The following CFAP20DC variants were observed in gnomAD, a reference collection of about 807,000 sequenced individuals.
The protein encoded by CFAP20DC is protein CFAP20DC.
Under a neutral mutation model 101.7 loss-of-function variants are expected in CFAP20DC, and 84 were observed. That is an observed-to-expected ratio of 0.83 (90% CI 0.69 to 0.99). The LOEUF (loss-of-function observed/expected upper bound fraction) is 0.99. Ranked by LOEUF, CFAP20DC falls within the 50% of genes least tolerant of loss-of-function variation. The probability of loss-of-function intolerance (pLI) is 0.00; values close to 1 mark genes in which losing one functional copy is unlikely to be tolerated. For missense variants in CFAP20DC, 1,007 were observed against 970.3 expected (o/e 1.04, Z -0.50); for synonymous variants, 359 against 351.2 (o/e 1.02, Z -0.25).
chr3:58,733,469 G>A (rs1166018873), intron 3 of CFAP20DC, among the ~76,000 whole-genome samples: 2 of 152,072 alleles, frequency 1.3e-5, no homozygotes, highest in African/African-American at 4.8e-5. Flanking sequence ...TAAAGATGAG[G>A]TGATTTGGAA....
intron 14 of CFAP20DC, among the ~76,000 whole-genome samples, chr3:58,816,025 A>G (rs1472721490): frequency 6.6e-6 from 1 of 151,870 alleles, no homozygotes; most frequent in Non-Finnish European, 1.5e-5. Flanking sequence ...TACCCAAAGG[A>G]CTATAAATCA....
At chr3:58,802,763 T>C (rs1311974938) in intron 15 of CFAP20DC, among the ~76,000 whole-genome samples, 1 of 152,234 alleles carries the variant, frequency 6.6e-6, no homozygotes, top group African/African-American at 2.4e-5. Flanking sequence ...TATGAATATA[T>C]GCAGCACTTT....
chr3:58,761,279 G>A lies in CFAP20DC; in HGVS notation c.2238-7416C>T, dbSNP rs528121898. On this transcript the variant is annotated intron_variant, in intron 15 of 16. Transcript: ENST00000482387. ...TTAGTCTTGGGAGGGTGTATGTGTC[G>A]AGGAATTTATCCATTTCTTCTAGAT... 8.6e-3 allele frequency among the ~76,000 whole-genome samples: 1,301 copies of A among 152,160 alleles called. 20 individuals are homozygous for A. The highest frequency in any genetic ancestry group is 0.03 in the African/African-American group (1,244 of 41,540).
chr3:58,854,586 TA>T (rs1342057003), intron 12 of CFAP20DC, among the ~76,000 whole-genome samples: 1 of 152,126 alleles, frequency 6.6e-6, no homozygotes, highest in African/African-American at 2.4e-5. Flanking sequence ...GTTCAAACTA[TA>T]CTACAAGGCT....
chr3:58,884,432 T>TA (rs2081453083), intron 7 of CFAP20DC, 113 bp downstream of exon 7: 1 of 955,340 alleles, frequency 1.0e-6, no homozygotes, highest in Admixed American at 2.2e-5. Context: ...TATACTCTGT[T>TA]AAGTGCGAAG....
rs140153848 is a variant in CFAP20DC, at chr3:59,048,634, C to T, written c.21+977G>A. 5.0e-4 allele frequency among the ~76,000 whole-genome samples: 76 copies of T among 152,088 alleles called. 1 individual carries two copies. The highest frequency in any genetic ancestry group is 1.8e-3 in the African/African-American group (75 of 41,478). ...AGTGTTCTAGCCCAATTAGTGATAA[C>T]GAATGGGACAGAAGAAAGAGAACTG... On this transcript the variant is annotated intron_variant, in intron 1 of 16. Transcript: ENST00000482387.
chr3:58,733,466 G>A (rs76937659), intron 3 of CFAP20DC, among the ~76,000 whole-genome samples: 8,430 of 152,168 alleles, frequency 0.055, 516 homozygotes, highest in East Asian at 0.35. Context: ...AGATAAAGAT[G>A]AGGTGATTTG....
rs1418192293 is a variant in CFAP20DC, at chr3:58,899,112, C to T, written c.551-14403G>A. On this transcript the variant is annotated intron_variant, in intron 6 of 16. Coordinates refer to ENST00000482387, the MANE Select transcript of CFAP20DC (RefSeq NM_001394063.1). The surrounding 1 kb of genome is among the most constrained non-coding windows in gnomAD (Gnocchi z 5.0). ...TGACCTGTTGCCAGCCTGAACTGCA[C>T]CTGTAGGAGGAGGCTGGAGACCCCT... Among the ~76,000 whole-genome samples, 5 of 152,168 alleles carry T rather than the reference C, an allele frequency of 3.3e-5. 1 individual carries two copies. Among genetic ancestry groups the T allele is most frequent in the Non-Finnish European group, 4.4e-5 (3 of 68,030 alleles).
chr3:58,881,543 C>G (rs1032835304), intron 7 of CFAP20DC, among the ~76,000 whole-genome samples: 2 of 152,114 alleles, frequency 1.3e-5, no homozygotes, highest in Admixed American at 6.5e-5. Context: ...AGCTCTTGAT[C>G]AAGTTATATG....
At chr3:58,944,903 A>G (rs1443642061) in intron 4 of CFAP20DC, among the ~76,000 whole-genome samples, 1 of 152,218 alleles carries the variant, frequency 6.6e-6, no homozygotes, top group African/African-American at 2.4e-5. Flanking sequence ...AAGAAAAAAA[A>G]TCTATCAAGT....
chr3:59,048,704 T>A (rs2109339610), intron 1 of CFAP20DC, among the ~76,000 whole-genome samples: 2 of 151,804 alleles, frequency 1.3e-5, no homozygotes, highest in East Asian at 3.9e-4. Context: ...TAGTGTTAGG[T>A]GAATGAAAAG....
intron 4 of CFAP20DC, among the ~76,000 whole-genome samples, chr3:58,972,970 C>G (rs2092037352): frequency 6.6e-6 from 1 of 152,092 alleles, no homozygotes; most frequent in South Asian, 2.1e-4. Context: ...TTTTCCTTTT[C>G]TCTAAAACTG....
chr3:59,016,392 G>T (rs1329745749), intron 4 of CFAP20DC, among the ~76,000 whole-genome samples: 1 of 152,090 alleles, frequency 6.6e-6, no homozygotes. Context: ...AGGATGGGAA[G>T]GGTATGGGGA....
At chr3:58,807,887 A>G (rs1190636488) in intron 14 of CFAP20DC, among the ~76,000 whole-genome samples, 1 of 152,246 alleles carries the variant, frequency 6.6e-6, no homozygotes, top group Non-Finnish European at 1.5e-5. Flanking sequence ...ATGGAGCTGA[A>G]AGCCAAGGCT....
At position 58,871,122 on chromosome 3, in the gene CFAP20DC, A is replaced by G. The variant is rs2080171532; in HGVS notation, c.716-813T>C. Among the ~76,000 whole-genome samples, 7 of 152,276 alleles carry G rather than the reference A, an allele frequency of 4.6e-5. No individual in the cohort carries two copies. In the South Asian group the frequency reaches 1.5e-3, roughly 32 times the overall value. ...ACAGGTCACCAATGTAAGGCAGGCC[A>G]GTGGCAATGAAGAATAAGTGACCCC... On this transcript the variant is annotated intron_variant, in intron 7 of 16. Coordinates refer to ENST00000482387, the MANE Select transcript of CFAP20DC (RefSeq NM_001394063.1).
intron 6 of CFAP20DC, among the ~76,000 whole-genome samples, chr3:58,889,538 T>A (rs1318635147): frequency 6.6e-6 from 1 of 152,022 alleles, no homozygotes; most frequent in African/African-American, 2.4e-5. Flanking sequence ...TTTTTTCTTT[T>A]TTTCTTTTTT....
At chr3:58,980,101 A>C (rs1271621589) in intron 4 of CFAP20DC, among the ~76,000 whole-genome samples, 1 of 152,142 alleles carries the variant, frequency 6.6e-6, no homozygotes, top group Non-Finnish European at 1.5e-5. Flanking sequence ...CATTATCTGT[A>C]ATGTAAGGAC....
Position 58,788,744 on chromosome 3 carries a change from C to A in CFAP20DC, c.2237+17651G>T, listed in dbSNP as rs919173934. Among the ~76,000 whole-genome samples the A allele has an allele frequency of 2.6e-5, 4 of 152,034 alleles. No homozygotes were observed. Among genetic ancestry groups the A allele is most frequent in the East Asian group, 1.9e-4 (1 of 5,190 alleles). ...CTTAAACTTCCTTTTAGCCTTGTGA[C>A]CTTTGAGCCAAACTCTGTGTCTCTT... On this transcript the variant is annotated intron_variant, in intron 15 of 16. Coordinates refer to ENST00000482387, the MANE Select transcript of CFAP20DC (RefSeq NM_001394063.1). The surrounding 1 kb of genome is among the most constrained non-coding windows in gnomAD (Gnocchi z 4.2).
At chr3:58,818,538 CAAAG>C (rs1483322429) in intron 14 of CFAP20DC, among the ~76,000 whole-genome samples, 4 of 150,304 alleles carry the variant, frequency 2.7e-5, no homozygotes, top group Non-Finnish European at 5.9e-5. Flanking sequence ...TCAAAAGAGA[CAAAG>C]AAGGCCATTA....
Sources: allele counts gnomAD v4.1 joint callset (sites outside exome capture counted in the v4.1 genomes callset), GRCh38; gene constraint gnomAD v4.1.1; non-coding constraint Gnocchi (gnomAD v3.1); transcripts MANE v1.5; gene names NCBI Gene and HGNC (gene_info 2026-07-23, HGNC 2026-07-21).